The following HUWE1 variants were observed in gnomAD, a reference collection of about 807,000 sequenced individuals.
The protein encoded by HUWE1 is E3 ubiquitin-protein ligase HUWE1.
A neutral mutation model predicts 299.4 loss-of-function variants in HUWE1; 18 were observed. The observed-to-expected ratio is 0.06, with a 90% CI of 0.04 to 0.09. HUWE1 has a LOEUF of 0.09. Ranked by LOEUF, HUWE1 falls within the 10% of genes least tolerant of loss-of-function variation. The pLI is 1.00. For missense variants in HUWE1, 1,832 were observed against 3,462.3 expected, an observed-to-expected ratio of 0.53 and a Z score of 11.82; for synonymous variants, 1,317 against 1,286.1, an observed-to-expected ratio of 1.02 and a Z score of -0.51.
rs377739304 is a variant in HUWE1, at chrX:53,653,265, A to G, written c.45+798T>C. On this transcript the variant is annotated intron_variant, in intron 4 of 83. Transcript: ENST00000262854. ...GAAAACCAAGTGGCTTGTATTTACG[A>G]TATGAACTAACTTATGTGCCAGATA... Among the ~76,000 whole-genome samples, 4 of 112,602 alleles carry G rather than the reference A, an allele frequency of 3.6e-5. No individual in the cohort carries two copies. In the South Asian group the frequency reaches 1.5e-3, roughly 41 times the overall value.
chrX:53,631,691 G>C, intron 9 of HUWE1, 77 bp from the exon 10 acceptor site: 1 of 759,282 alleles, frequency 1.3e-6, no homozygotes, highest in South Asian at 2.2e-5. Context: ...GCTCCAAAGG[G>C]CTGTCTGAAA....
At chrX:53,620,698 A>T (rs868911888) in intron 19 of HUWE1, among the ~76,000 whole-genome samples, 1 of 112,062 alleles carries the variant, frequency 8.9e-6, no homozygotes. Flanking sequence ...AAACACAATT[A>T]GTGCTTCCTT....
intron 4 of HUWE1, among the ~76,000 whole-genome samples, chrX:53,648,966 GT>G (rs2068274119): frequency 1.8e-5 from 2 of 112,029 alleles, no homozygotes; most frequent in African/African-American, 6.5e-5. Context: ...TTATAGTCAA[GT>G]TTCTGAAAGT....
At position 53,680,179 on chromosome X, in the gene HUWE1, T is replaced by G. The variant is rs2070054642; in HGVS notation, c.-155A>C. Reference sequence around the variant, plus strand: ...CACTAACCCACTCAGGTCAGGCTGCTGGAGGACCTACAAAAAAAAAGTTGG... The same window carrying G: ...CACTAACCCACTCAGGTCAGGCTGCGGGAGGACCTACAAAAAAAAAGTTGG... On this transcript the variant is annotated 5_prime_UTR_variant, in exon 3 of 84. Coordinates refer to ENST00000262854, the MANE Select transcript of HUWE1 (RefSeq NM_031407.7). 1 of 296,683 alleles carries G rather than the reference T, an allele frequency of 3.4e-6. No homozygotes were observed. Among genetic ancestry groups the G allele is most frequent in the Non-Finnish European group, 5.9e-6 (1 of 169,977 alleles). 24.5% of individuals were successfully genotyped at this position (296,683 alleles called of 1,213,427 possible). A position where few individuals can be genotyped will look rare whatever the true frequency, so the allele number is the denominator to read the frequency against.
chrX:53,659,373 G>A (rs1396361115), intron 3 of HUWE1, among the ~76,000 whole-genome samples: 1 of 112,039 alleles, frequency 8.9e-6, no homozygotes, highest in Non-Finnish European at 1.9e-5. Flanking sequence ...AAAAAGAAAC[G>A]AGCTATCAAG....
intron 23 of HUWE1, among the ~76,000 whole-genome samples, chrX:53,609,904 G>C (rs1216048512): frequency 2.7e-5 from 3 of 111,714 alleles, no homozygotes; most frequent in African/African-American, 9.8e-5. Flanking sequence ...TTTGGCAGCA[G>C]AATATAGAAC....
chrX:53,533,962 G>T, intron 83 of HUWE1, 45 bp downstream of exon 83: 1 of 1,144,283 alleles, frequency 8.7e-7, no homozygotes, highest in Non-Finnish European at 1.2e-6. Flanking sequence ...AAGTATGCAA[G>T]CTCAACCTAA....
chrX:53,595,073 G>A (rs907619145), intron 30 of HUWE1, 114 bp downstream of exon 30: 7 of 613,105 alleles, frequency 1.1e-5, no homozygotes, highest in East Asian at 6.9e-5. Flanking sequence ...AGTAAACAAG[G>A]GACCTCCAAA....
At chrX:53,542,783 C>CA in intron 73 of HUWE1, 1 of 390,721 alleles carries the variant, frequency 2.6e-6, no homozygotes, top group African/African-American at 2.5e-5. Flanking sequence ...CTACAGTCTA[C>CA]AATCCAGACC....
chrX:53,579,502 G>T (rs1459962467), intron 43 of HUWE1, among the ~76,000 whole-genome samples: 1 of 111,569 alleles, frequency 9.0e-6, no homozygotes, highest in Non-Finnish European at 1.9e-5. Flanking sequence ...TTGTGGAATA[G>T]AAAGGCGGGA....
chrX:53,542,845 TTGTGTGTGTGTGTGTGTGTGTGTGTGTG>T (rs57187405), intron 73 of HUWE1: 1 of 157,801 alleles, frequency 6.3e-6, no homozygotes, highest in Non-Finnish European at 1.2e-5. Flanking sequence ...TCTTCTTCTG[TTGTGTGTGTGTGTGTGTGTGTGTGTGTG>T]TGTGTGTGTG....
chrX:53,661,194 C>G (rs1258511934), intron 3 of HUWE1, among the ~76,000 whole-genome samples: 3 of 110,402 alleles, frequency 2.7e-5, no homozygotes, highest in Non-Finnish European at 1.9e-5. Context: ...GCCACCACAC[C>G]CAGCTAATTT....
chrX:53,584,856 G>T, intron 40 of HUWE1, among the ~76,000 whole-genome samples, 156 bp downstream of exon 40: 1 of 111,488 alleles, frequency 9.0e-6, no homozygotes, highest in East Asian at 2.8e-4. Flanking sequence ...AATTGTCTTG[G>T]GCCACACATA....
At chrX:53,684,241 C>A (rs2070354588) in intron 2 of HUWE1, 3 of 184,458 alleles carry the variant, frequency 1.6e-5, no homozygotes, top group Middle Eastern at 1.7e-3. Flanking sequence ...CTCGGCGAGA[C>A]CTTCTTAATT....
chrX:53,587,001 G>C, intron 37 of HUWE1, 92 bp from the exon 38 acceptor site: 1 of 976,032 alleles, frequency 1.0e-6, no homozygotes, highest in Admixed American at 2.2e-5. Context: ...GGGAACATAA[G>C]GGTAAATAAT....
intron 44 of HUWE1, 68 bp downstream of exon 44, chrX:53,576,832 C>A: frequency 8.8e-7 from 1 of 1,132,892 alleles, no homozygotes. Flanking sequence ...CATGAGTTGG[C>A]TGAAATGACC....
intron 47 of HUWE1, among the ~76,000 whole-genome samples, chrX:53,570,561 C>T (rs1427912928): frequency 8.9e-6 from 1 of 112,253 alleles, no homozygotes; most frequent in East Asian, 2.8e-4. Flanking sequence ...GAGCAAGAGA[C>T]AGCAGAGTCA....
At position 53,551,015 on chromosome X, in the gene HUWE1, C is replaced by A. The variant is rs2061744889; in HGVS notation, c.9271G>T (p.Ala3091Ser). The change falls in exon 65 of 84, where the codon GCT (alanine) becomes TCT (serine). Residue 3091 changes from alanine to serine, a missense_variant. By Grantham distance (99) the Ala-to-Ser change is moderately conservative. Coordinates refer to ENST00000262854, the MANE Select transcript of HUWE1 (RefSeq NM_031407.7). ...TCTCGTCTCAGGGCTTGAGCCTCAG[C>A]TGCAATGTCAGGTGGCATCACAGCT... Reference protein sequence around the residue: ...VLAVMPPDIAAEAQALRREQE... With the variant: ...VLAVMPPDIASEAQALRREQE... 3 of 1,211,768 alleles carry A rather than the reference C, an allele frequency of 2.5e-6. No individual in the cohort carries two copies. The Admixed American group carries it at 6.5e-5, about 26-fold the overall frequency.
At chrX:53,577,457 T>TAAAAAAA (rs782304486) in intron 43 of HUWE1, among the ~76,000 whole-genome samples, 123 of 76,849 alleles carry the variant, frequency 1.6e-3, no homozygotes, top group African/African-American at 6.2e-3. Context: ...AACGTTTTAT[T>TAAAAAAA]AAAAAAAAAA....
Sources: allele counts gnomAD v4.1 joint callset (sites outside exome capture counted in the v4.1 genomes callset), GRCh38; gene constraint gnomAD v4.1.1; transcripts MANE v1.5; gene names NCBI Gene and HGNC (gene_info 2026-07-23, HGNC 2026-07-21).